RUBCNL: variants seen among roughly 807,000 people sequenced by gnomAD.
RUBCNL encodes protein associated with UVRAG as autophagy enhancer.
RUBCNL carries 62 observed loss-of-function variants against 69.5 expected under a neutral mutation model. The ratio of observed to expected loss-of-function variants is 0.89; its 90% confidence interval spans 0.73 to 1.10. The LOEUF (loss-of-function observed/expected upper bound fraction) is 1.10. Among genes scored for constraint, RUBCNL ranks in the 50% least tolerant of loss-of-function variants. RUBCNL has a pLI of 0.00. For synonymous variants in RUBCNL, 291 were observed against 303.6 expected, an observed-to-expected ratio of 0.96 and a Z score of 0.43; for missense variants, 768 against 798.1, an observed-to-expected ratio of 0.96 and a Z score of 0.45.
upstream of RUBCNL, among the ~76,000 whole-genome samples, chr13:46,389,170 A>G (rs1184830623): frequency 6.6e-6 from 1 of 152,210 alleles, no homozygotes; most frequent in African/African-American, 2.4e-5. This position sits in a 1 kb window ranked among gnomAD's most constrained non-coding sequence, Gnocchi z 4.2. Flanking sequence ...AACATCCCTG[A>G]GAATAACAAA....
chr13:46,389,122 G>C (rs2049307144), upstream of RUBCNL, among the ~76,000 whole-genome samples: 1 of 152,194 alleles, frequency 6.6e-6, no homozygotes, highest in Non-Finnish European at 1.5e-5. The surrounding 1 kb of genome is among the most constrained non-coding windows in gnomAD (Gnocchi z 4.2). Context: ...TCGGCTATGT[G>C]CCAGGTACTT....
rs2048101771 is a variant in RUBCNL at position 46,335,813 on chromosome 13, C to T, written c.*7572G>A. On this transcript the variant is annotated 3_prime_UTR_variant, in exon 15 of 15. Transcript: ENST00000429979. ...TAAGCGACTGGGTCTATGGTGGTGC[C>T]ATTTTCTGAGATGGAAAAGCCTGTA... 6.6e-6 allele frequency among the ~76,000 whole-genome samples: 1 copy of T among 152,140 alleles called. No homozygotes were observed. Among genetic ancestry groups the T allele is most frequent in the Non-Finnish European group, 1.5e-5 (1 of 68,016 alleles).
intron 5 of RUBCNL, among the ~76,000 whole-genome samples, chr13:46,365,919 G>A (rs1405582903): frequency 4.6e-5 from 7 of 152,168 alleles, no homozygotes; most frequent in African/African-American, 1.4e-4. Context: ...AACCAAATCG[G>A]TATTAAAGAA....
chr13:46,373,811 C>G (rs1352899010), intron 2 of RUBCNL, among the ~76,000 whole-genome samples: 1 of 152,356 alleles, frequency 6.6e-6, no homozygotes, highest in South Asian at 2.1e-4. Context: ...ACATGTATCT[C>G]TATTTCTGAT....
At chr13:46,360,357 A>G (rs916694915) in intron 8 of RUBCNL, among the ~76,000 whole-genome samples, 10 of 152,310 alleles carry the variant, frequency 6.6e-5, no homozygotes, top group South Asian at 2.1e-4. Context: ...ATAAAATAAA[A>G]TAAAATAAAA....
chr13:46,350,604 T>C, intron 10 of RUBCNL: 2 of 378,114 alleles, frequency 5.3e-6, no homozygotes, highest in Non-Finnish European at 9.5e-6. Flanking sequence ...TACTCCTGGA[T>C]TTGGAAGATG....
chr13:46,352,966 C>G (rs569487838), intron 10 of RUBCNL, among the ~76,000 whole-genome samples: 2 of 152,220 alleles, frequency 1.3e-5, no homozygotes, highest in South Asian at 4.1e-4. Flanking sequence ...CAGTTATTTC[C>G]CCTATTTCAC....
intron 3 of RUBCNL, among the ~76,000 whole-genome samples, chr13:46,369,066 G>A (rs868372619): frequency 6.6e-6 from 1 of 152,144 alleles, no homozygotes; most frequent in Non-Finnish European, 1.5e-5. Context: ...GAGTGGAGGA[G>A]ACCAATGAGG....
upstream of RUBCNL, chr13:46,387,385 G>A (rs888030155): frequency 2.1e-5 from 21 of 985,386 alleles, no homozygotes; most frequent in African/African-American, 1.4e-4. Context: ...CGCAGGCACC[G>A]AGACGTCGCC....
rs1445859091 is a variant in RUBCNL at position 46,339,150 on chromosome 13, T to C, written c.*4235A>G. 3.3e-5 allele frequency among the ~76,000 whole-genome samples: 5 copies of C among 152,096 alleles called. No individual in the cohort carries two copies. Among genetic ancestry groups the C allele is most frequent in the Non-Finnish European group, 7.4e-5 (5 of 68,008 alleles). On this transcript the variant is annotated 3_prime_UTR_variant, in exon 15 of 15. Transcript: ENST00000429979. ...CTTGGCTTGGAGAGCTGCCCAGATATGCGAGGATGCAAAGGTTCTCGATTT... is the reference window on the plus strand; with the variant it reads ...CTTGGCTTGGAGAGCTGCCCAGATACGCGAGGATGCAAAGGTTCTCGATTT...
chr13:46,374,909 C>T (rs1372866885), intron 2 of RUBCNL, among the ~76,000 whole-genome samples: 2 of 152,178 alleles, frequency 1.3e-5, no homozygotes, highest in South Asian at 4.1e-4. Context: ...ACATCTGGCT[C>T]CTTCCTGTCA....
rs577285929 is a variant in RUBCNL, at chr13:46,377,054, A to G, written c.-123+836T>C. On this transcript the variant is annotated intron_variant, in intron 2 of 14. Coordinates refer to ENST00000429979, the MANE Select transcript of RUBCNL (RefSeq NM_025113.5). Reference sequence around the variant, plus strand: ...TGACTTTTTTTAGTTCCTTTCTCTTACTAGTTCCACTCTTAGTCTGAGTCC... The same window carrying G: ...TGACTTTTTTTAGTTCCTTTCTCTTGCTAGTTCCACTCTTAGTCTGAGTCC... Among the ~76,000 whole-genome samples the G allele has an allele frequency of 5.8e-4, 88 of 152,062 alleles. 1 individual carries two copies. Among genetic ancestry groups the G allele is most frequent in the African/African-American group, 2.0e-3 (81 of 41,476 alleles).
At chr13:46,349,655 G>T (rs1422640306) in intron 11 of RUBCNL, among the ~76,000 whole-genome samples, 1 of 151,688 alleles carries the variant, frequency 6.6e-6, no homozygotes, top group East Asian at 1.9e-4. Context: ...CAGGAGAGGG[G>T]CTCCAAAGTG....
intron 10 of RUBCNL, 127 bp from the exon 11 acceptor site, chr13:46,350,478 A>G (rs1566066799): frequency 2.1e-5 from 14 of 681,336 alleles, no homozygotes; most frequent in Non-Finnish European, 3.4e-5. Context: ...ATAAAGCCAT[A>G]CTCAACCTCA....
At chr13:46,383,200 C>G (rs1199615883) in intron 1 of RUBCNL, among the ~76,000 whole-genome samples, 1 of 152,152 alleles carries the variant, frequency 6.6e-6, no homozygotes, top group Non-Finnish European at 1.5e-5. Flanking sequence ...TTCTAAAAAC[C>G]TTCAATTTGC....
At chr13:46,361,361 C>A in intron 8 of RUBCNL, 80 bp downstream of exon 8, 1 of 1,489,792 alleles carries the variant, frequency 6.7e-7, no homozygotes, top group Non-Finnish European at 9.2e-7. Flanking sequence ...CAAGGAAAGA[C>A]AAATGTTTAA....
At chr13:46,353,160 C>T (rs1160898191) in intron 10 of RUBCNL, among the ~76,000 whole-genome samples, 7 of 152,184 alleles carry the variant, frequency 4.6e-5, no homozygotes, top group Admixed American at 2.0e-4. Context: ...TTTGCACTTG[C>T]CCAAATTGTC....
At chr13:46,386,621 C>G in intron 1 of RUBCNL, among the ~76,000 whole-genome samples, 1 of 152,186 alleles carries the variant, frequency 6.6e-6, no homozygotes, top group African/African-American at 2.4e-5. Flanking sequence ...GTGGGGGTTG[C>G]TATGTAGGGC....
rs753134005 is a variant in RUBCNL at position 46,350,108 on chromosome 13, C to T, written c.1569+5G>A. The T allele has an allele frequency of 6.5e-7, 1 of 1,545,426 alleles. No individual in the cohort carries two copies. Among genetic ancestry groups the T allele is most frequent in the South Asian group, 1.2e-5 (1 of 84,380 alleles). ...GAGAGGGATGGGGTTGGGGCTGCGGCTCACCTTCACTCTGTCCAGCTCCTT... is the reference window on the plus strand; with the variant it reads ...GAGAGGGATGGGGTTGGGGCTGCGGTTCACCTTCACTCTGTCCAGCTCCTT... On this transcript the variant is annotated splice_donor_5th_base_variant and intron_variant, in intron 11 of 14. Coordinates refer to ENST00000429979, the MANE Select transcript of RUBCNL (RefSeq NM_025113.5).
Sources: gnomAD v4.1 joint callset for allele counts (sites outside exome capture counted in the v4.1 genomes callset) on GRCh38, gnomAD v4.1.1 for gene constraint, Gnocchi (gnomAD v3.1) non-coding constraint, MANE v1.5 for transcripts, NCBI Gene and HGNC (gene_info 2026-07-23, HGNC 2026-07-21) for gene names.